Variants in KAZN observed in about 807,000 individuals in gnomAD.
KAZN encodes kazrin, periplakin interacting protein.
In KAZN, 40 loss-of-function variants were observed where a neutral mutation model predicts 87.4. The observed-to-expected ratio is 0.46, with a 90% CI of 0.36 to 0.60. The LOEUF (loss-of-function observed/expected upper bound fraction) is 0.60. Ranked by LOEUF, KAZN falls within the 20% of genes least tolerant of loss-of-function variation. The pLI is 0.00. For synonymous variants in KAZN, 466 were observed against 458.3 expected, an observed-to-expected ratio of 1.02 and a Z score of -0.22; for missense variants, 898 against 1,073.9, an observed-to-expected ratio of 0.84 and a Z score of 2.29.
At chr1:14,355,237 T>C (rs1394045298) in intron 2 of KAZN, among the ~76,000 whole-genome samples, 5 of 152,158 alleles carry the variant, frequency 3.3e-5, no homozygotes, top group African/African-American at 7.2e-5. Flanking sequence ...TGGGGTGATA[T>C]GTATATTGCA....
chr1:14,135,341 C>T (rs1038333454), intron 1 of KAZN, among the ~76,000 whole-genome samples: 3 of 152,118 alleles, frequency 2.0e-5, no homozygotes, highest in African/African-American at 7.2e-5. Flanking sequence ...TAAAGTCAGC[C>T]GAATAGCTGG....
At chr1:14,045,066 G>A (rs1188331120) in intron 1 of KAZN, among the ~76,000 whole-genome samples, 7 of 152,162 alleles carry the variant, frequency 4.6e-5, no homozygotes, top group Admixed American at 4.6e-4. Flanking sequence ...GGAGCCCCAA[G>A]GGGCCAGTTA....
chr1:14,720,653 T>C (rs927682211), intron 1 of KAZN, among the ~76,000 whole-genome samples: 12 of 152,230 alleles, frequency 7.9e-5, no homozygotes, highest in African/African-American at 2.7e-4. Context: ...GCTCCTCTTA[T>C]CATTCTTACA....
intron 1 of KAZN, among the ~76,000 whole-genome samples, chr1:13,963,756 GGTCTGTGTGTGTGTGT>G (rs1363654846): frequency 0.01 from 1,224 of 117,122 alleles, 17 homozygotes; most frequent in African/African-American, 0.036. Flanking sequence ...TTTCTGCTGT[GGTCTGTGTGTGTGTGT>G]GTGTGTGTGT....
intron 1 of KAZN, among the ~76,000 whole-genome samples, chr1:14,606,206 T>C (rs1191877054): frequency 6.6e-6 from 1 of 152,254 alleles, no homozygotes; most frequent in Non-Finnish European, 1.5e-5. Context: ...CTCTGCTGTT[T>C]AAACCTGTGT....
chr1:14,394,113 G>A (rs1232650611), intron 2 of KAZN, among the ~76,000 whole-genome samples: 2 of 152,282 alleles, frequency 1.3e-5, no homozygotes, highest in Admixed American at 1.3e-4. Context: ...TTTTTATGGT[G>A]AGGACCCCCC....
intron 2 of KAZN, among the ~76,000 whole-genome samples, chr1:14,556,795 A>G (rs1201006580): frequency 6.6e-6 from 1 of 152,202 alleles, no homozygotes; most frequent in Non-Finnish European, 1.5e-5. Flanking sequence ...GATGAGCTTC[A>G]ATGGCCCGTT....
intron 2 of KAZN, among the ~76,000 whole-genome samples, chr1:14,226,600 G>A (rs1017346789): frequency 1.3e-5 from 2 of 152,114 alleles, no homozygotes; most frequent in Non-Finnish European, 2.9e-5. Flanking sequence ...ACACATGCAC[G>A]TGAATGTTCA....
chr1:14,675,360 C>T (rs943009356), intron 1 of KAZN, among the ~76,000 whole-genome samples: 1 of 152,244 alleles, frequency 6.6e-6, no homozygotes, highest in South Asian at 2.1e-4. Context: ...AACCCTCAGA[C>T]ATCTGGTAGG....
intron 2 of KAZN, among the ~76,000 whole-genome samples, chr1:14,362,704 C>G (rs1216070099): frequency 6.6e-6 from 1 of 152,144 alleles, no homozygotes; most frequent in Non-Finnish European, 1.5e-5. Context: ...GAATTAGTAT[C>G]CCTATTTCTT....
At chr1:14,794,626 A>G (rs1645776899) in intron 1 of KAZN, among the ~76,000 whole-genome samples, 2 of 152,242 alleles carry the variant, frequency 1.3e-5, no homozygotes, top group South Asian at 4.1e-4. Flanking sequence ...TGGCAGAGTC[A>G]TGGGAGTCGG....
At chr1:14,376,745 G>A (rs1660946668) in intron 2 of KAZN, among the ~76,000 whole-genome samples, 1 of 152,330 alleles carries the variant, frequency 6.6e-6, no homozygotes, top group African/African-American at 2.4e-5. Context: ...TGTGTGCAGT[G>A]TGTTATGGTT....
At chr1:14,519,853 C>T (rs1225283670) in intron 2 of KAZN, among the ~76,000 whole-genome samples, 1 of 151,966 alleles carries the variant, frequency 6.6e-6, no homozygotes, top group African/African-American at 2.4e-5. Context: ...AGTGGATAGG[C>T]CTGGGTTGGC....
At chr1:14,801,886 A>G (rs544808255) in intron 1 of KAZN, among the ~76,000 whole-genome samples, 9 of 151,764 alleles carry the variant, frequency 5.9e-5, no homozygotes, top group Admixed American at 1.3e-4. Context: ...GGGTTTCACC[A>G]TGTTAGCCAG....
chr1:14,245,769 A>C (rs903399696), intron 2 of KAZN, among the ~76,000 whole-genome samples: 2 of 152,136 alleles, frequency 1.3e-5, no homozygotes, highest in Non-Finnish European at 1.5e-5. Context: ...ATTCATTGCT[A>C]AGTTGATAGA....
chr1:14,618,744 C>G (rs1021765560), intron 1 of KAZN, among the ~76,000 whole-genome samples: 2 of 152,218 alleles, frequency 1.3e-5, no homozygotes, highest in African/African-American at 2.4e-5. Context: ...ATGTGTCACT[C>G]TTTTGTCCCA....
At chr1:14,583,051 T>C (rs1409441337) in intron 2 of KAZN, among the ~76,000 whole-genome samples, 1 of 152,166 alleles carries the variant, frequency 6.6e-6, no homozygotes, top group African/African-American at 2.4e-5. Context: ...AGCTTGTCAA[T>C]CCTTTACCCT....
intron 2 of KAZN, among the ~76,000 whole-genome samples, chr1:14,534,801 C>T (rs1011558604): frequency 6.6e-6 from 1 of 152,164 alleles, no homozygotes; most frequent in Non-Finnish European, 1.5e-5. Flanking sequence ...TAGCAAGTCC[C>T]TGTGCAACTC....
intron 1 of KAZN, among the ~76,000 whole-genome samples, chr1:14,775,885 G>A (rs556930582): frequency 3.9e-5 from 6 of 152,332 alleles, no homozygotes; most frequent in South Asian, 4.1e-4. Flanking sequence ...ACTTGAAGGC[G>A]TCACAGGCCC....
Sources: gnomAD v4.1 joint callset for allele counts (sites outside exome capture counted in the v4.1 genomes callset) on GRCh38, gnomAD v4.1.1 for gene constraint, MANE v1.5 for transcripts, NCBI Gene and HGNC (gene_info 2026-07-23, HGNC 2026-07-21) for gene names.